TUT4: variants seen among roughly 807,000 people sequenced by gnomAD.
TUT4 encodes the protein terminal uridylyltransferase 4.
Under a neutral mutation model 192.2 loss-of-function variants are expected in TUT4, and 36 were observed. The ratio of observed to expected loss-of-function variants is 0.19; its 90% CI spans 0.14 to 0.25. The LOEUF is 0.25. TUT4 is among the 10% of genes least tolerant of loss of function. The probability of loss-of-function intolerance (pLI) is 1.00; values close to 1 mark genes in which losing one functional copy is unlikely to be tolerated. For missense variants in TUT4, 1,493 were observed against 1,957.2 expected (o/e 0.76, Z 4.47); for synonymous variants, 618 against 666.0 (o/e 0.93, Z 1.11).
rs142671726 is a variant in TUT4, at chr1:52,429,777, G to C, written c.4711+1236C>G. On this transcript the variant is annotated intron_variant, in intron 28 of 29. Coordinates refer to ENST00000257177, the MANE Select transcript of TUT4 (RefSeq NM_001009881.3). ...CCGGCTAATTTTTGTATTTTTAATA[G>C]AGACAAGAGTTTTGCCATGCTGGCC... is the stretch of plus-strand genomic sequence containing the variant. 2.5e-3 allele frequency among the ~76,000 whole-genome samples: 385 copies of C among 151,928 alleles called. 2 individuals are homozygous for C. Among genetic ancestry groups the C allele is most frequent in the African/African-American group, 9.1e-3 (376 of 41,480 alleles).
chr1:52,496,961 AAG>A, intron 5 of TUT4, 43 bp downstream of exon 5: 1 of 1,571,072 alleles, frequency 6.4e-7, no homozygotes, highest in Non-Finnish European at 8.7e-7. Flanking sequence ...GGAGCAAGGG[AAG>A]AGTTTTGTGA....
intron 4 of TUT4, 73 bp from the exon 5 acceptor site, chr1:52,497,256 G>T (rs1342822977): frequency 7.2e-7 from 1 of 1,395,888 alleles, no homozygotes; most frequent in African/African-American, 1.5e-5. Context: ...ATTTAGCAGG[G>T]AAAGACAGAA....
chr1:52,543,660 T>G (rs554429893), intron 1 of TUT4, among the ~76,000 whole-genome samples: 2 of 151,994 alleles, frequency 1.3e-5, no homozygotes, highest in African/African-American at 4.8e-5. Flanking sequence ...ATTTTTGTAT[T>G]TTTAGTAGGG....
At chr1:52,463,687 T>G in intron 16 of TUT4, 1 of 1,304,228 alleles carries the variant, frequency 7.7e-7, no homozygotes, top group South Asian at 1.2e-5. Flanking sequence ...CTTTGCTAGT[T>G]GCTGTTGAGA....
At chr1:52,452,999 G>C (rs1301877194) in intron 20 of TUT4, among the ~76,000 whole-genome samples, 1 of 152,176 alleles carries the variant, frequency 6.6e-6, no homozygotes, top group Non-Finnish European at 1.5e-5. Context: ...ACGCAGAAGT[G>C]GTTGCTTGCT....
At chr1:52,498,906 A>G (rs1320064399) in intron 4 of TUT4, among the ~76,000 whole-genome samples, 1 of 2,040 alleles carries the variant, frequency 4.9e-4, no homozygotes, top group African/African-American at 1.4e-3. Flanking sequence ...AAAAAATTAT[A>G]TATATATATA....
intron 1 of TUT4, among the ~76,000 whole-genome samples, chr1:52,534,253 C>T (rs1487659347): frequency 6.6e-6 from 1 of 152,164 alleles, no homozygotes; most frequent in Non-Finnish European, 1.5e-5. Context: ...TTCAGCTCTG[C>T]CAGTTCCTGA....
chr1:52,469,748 G>A (rs1665179677), intron 14 of TUT4, among the ~76,000 whole-genome samples: 1 of 151,976 alleles, frequency 6.6e-6, no homozygotes, highest in South Asian at 2.1e-4. Flanking sequence ...AAATTAGCCG[G>A]GCGTGATGGC....
chr1:52,453,075 A>G (rs556840843), intron 20 of TUT4, among the ~76,000 whole-genome samples: 1 of 152,272 alleles, frequency 6.6e-6, no homozygotes, highest in Non-Finnish European at 1.5e-5. Context: ...ATTGTTGTTG[A>G]GTAAGAGAAT....
intron 15 of TUT4, among the ~76,000 whole-genome samples, chr1:52,466,689 A>T (rs1664308872): frequency 2.5e-5 from 3 of 119,926 alleles, no homozygotes; most frequent in African/African-American, 1.4e-4. Flanking sequence ...TATATTTTTG[A>T]GACAGAGTTT....
At chr1:52,522,799 G>A (rs1348951401) in intron 2 of TUT4, among the ~76,000 whole-genome samples, 2 of 151,804 alleles carry the variant, frequency 1.3e-5, no homozygotes, top group South Asian at 2.1e-4. Context: ...GGTGGCAGGC[G>A]CCTACAGTCC....
At chr1:52,510,142 T>A (rs115085688) in intron 3 of TUT4, among the ~76,000 whole-genome samples, 5,815 of 151,822 alleles carry the variant, frequency 0.038, 167 homozygotes, top group Non-Finnish European at 0.057. Flanking sequence ...AGAAACCCAT[T>A]CTCTACTAAA....
rs376906157 is a variant in TUT4, at chr1:52,445,828, G to C, written c.3781C>G (p.Leu1261Val). Residue 1261 changes from leucine to valine, a missense_variant, in exon 24 of 30, where the codon CTT becomes GTT. By Grantham distance (32) the Leu-to-Val change is conservative. Around this residue, in one of 7 missense-constraint regions of TUT4, gnomAD observed 141 missense variants for 382.7 expected, o/e 0.37. Coordinates refer to ENST00000257177, the MANE Select transcript of TUT4 (RefSeq NM_001009881.3). ...AGTGGATAAAAAGGGGTACCAAAAA[G>C]TTTCCTTCCATTGATAAATGCTTTC... ...IMKAFINGRK[L>V]FGTPFYPLIG... 1 of 1,612,812 alleles carries C rather than the reference G, an allele frequency of 6.2e-7. No individual in the cohort carries two copies. Among genetic ancestry groups the C allele is most frequent in the Non-Finnish European group, 8.5e-7 (1 of 1,179,442 alleles).
At chr1:52,473,850 G>A (rs912315565) in intron 13 of TUT4, among the ~76,000 whole-genome samples, 6 of 151,910 alleles carry the variant, frequency 3.9e-5, no homozygotes, top group African/African-American at 1.5e-4. Context: ...AGCAGTTATC[G>A]CTTACTTCCT....
chr1:52,497,630 G>C (rs979787750), intron 4 of TUT4, among the ~76,000 whole-genome samples: 8 of 152,270 alleles, frequency 5.3e-5, no homozygotes, highest in African/African-American at 1.9e-4. Flanking sequence ...TTCTCTTTGT[G>C]ATTTTATCCA....
At chr1:52,463,524 G>A (rs1663197557) in intron 16 of TUT4, 12 of 1,139,854 alleles carry the variant, frequency 1.1e-5, no homozygotes, top group Non-Finnish European at 1.3e-5. Context: ...CTATTCTGCT[G>A]AATTCTTTTA....
chr1:52,432,535 C>A (rs1184831758), intron 27 of TUT4: 1 of 152,098 alleles, frequency 6.6e-6, no homozygotes, highest in African/African-American at 2.4e-5. Flanking sequence ...TGGTAAACCA[C>A]TGAAGGGTTT....
At chr1:52,539,509 G>T (rs903455290) in intron 1 of TUT4, among the ~76,000 whole-genome samples, 12 of 152,178 alleles carry the variant, frequency 7.9e-5, no homozygotes, top group Admixed American at 5.9e-4. Flanking sequence ...AAACAGGTAT[G>T]GGGGGGAAAG....
intron 28 of TUT4, among the ~76,000 whole-genome samples, chr1:52,427,325 G>A (rs1268071298): frequency 3.3e-5 from 5 of 152,100 alleles, no homozygotes; most frequent in African/African-American, 1.2e-4. Context: ...GAGCAGCAGA[G>A]GTAACGGAGA....
Sources: gnomAD v4.1 joint callset for allele counts (sites outside exome capture counted in the v4.1 genomes callset) on GRCh38, gnomAD v4.1.1 for gene constraint, gnomAD v4.1.1 regional missense constraint, MANE v1.5 for transcripts, NCBI Gene and HGNC (gene_info 2026-07-23, HGNC 2026-07-21) for gene names.